The following DNAJC21 variants were observed in gnomAD, a reference collection of about 807,000 sequenced individuals.
DNAJC21 encodes the protein DnaJ heat shock protein family (Hsp40) member C21.
A neutral mutation model predicts 72.4 loss-of-function variants in DNAJC21; 63 were observed. That is an observed-to-expected ratio of 0.87 (90% CI 0.71 to 1.07). The LOEUF (loss-of-function observed/expected upper bound fraction) is 1.07. Among genes scored for constraint, DNAJC21 ranks in the 50% least tolerant of loss-of-function variants. DNAJC21 has a pLI of 0.00. For synonymous variants in DNAJC21, 203 were observed against 216.7 expected (o/e 0.94, Z 0.56); for missense variants, 634 against 644.8 (o/e 0.98, Z 0.18).
At chr5:34,951,903 C>A in intron 10 of DNAJC21, 1 of 985,480 alleles carries the variant, frequency 1.0e-6, no homozygotes, top group South Asian at 4.7e-5. Context: ...TATAGTTCAG[C>A]TCTCTAATTT....
chr5:34,951,415 T>C (rs368085980), intron 10 of DNAJC21: 10 of 985,344 alleles, frequency 1.0e-5, no homozygotes, highest in Admixed American at 1.2e-4. Context: ...ATCATCTGAC[T>C]CCATGGAGCC....
chr5:34,942,728 A>T (rs1249693641), intron 7 of DNAJC21, among the ~76,000 whole-genome samples: 1 of 152,186 alleles, frequency 6.6e-6, no homozygotes, highest in Admixed American at 6.5e-5. Context: ...AGTAACTTAC[A>T]TATATAGTGT....
At chr5:34,953,796 T>A (rs1183475991) in intron 10 of DNAJC21, 130 bp from the exon 11 acceptor site, 2 of 477,664 alleles carry the variant, frequency 4.2e-6, no homozygotes, top group East Asian at 3.5e-5. Flanking sequence ...TTATTTAAAT[T>A]GCCTTTAAAA....
rs1765486536 is a variant in DNAJC21, at chr5:34,954,728, G to A, written c.*14G>A. The A allele has an allele frequency of 6.4e-7, 1 of 1,554,634 alleles. No homozygotes were observed. Among genetic ancestry groups the A allele is most frequent in the East Asian group, 2.4e-5 (1 of 42,290 alleles). On this transcript the variant is annotated 3_prime_UTR_variant, in exon 12 of 12. Transcript: ENST00000648817. Reference sequence around the variant, plus strand: ...AAAAACAGATAGAGATTCTGCCTGTGCTTTTGTTTGACTGTCTCTAGATTT... The same window carrying A: ...AAAAACAGATAGAGATTCTGCCTGTACTTTTGTTTGACTGTCTCTAGATTT...
chr5:34,935,674 T>G lies in DNAJC21; in HGVS notation c.192-36T>G, dbSNP rs1580524838. The G allele has an allele frequency of 2.5e-6, 4 of 1,612,116 alleles. No homozygotes were observed. The East Asian group carries it at 8.9e-5, about 36-fold the overall frequency. On this transcript the variant is annotated intron_variant, in intron 2 of 11. Transcript: ENST00000648817. ...GAAATCCTTTTGAATTCTTACTTAT[T>G]CAGCCTTCACAATGATGCTAATTTT...
intron 6 of DNAJC21, 127 bp from the exon 7 acceptor site, chr5:34,940,969 A>G (rs1300174395): frequency 1.3e-6 from 1 of 770,834 alleles, no homozygotes; most frequent in African/African-American, 1.8e-5. Context: ...TAAAAAGCCA[A>G]CTCAAATCCT....
At chr5:34,935,960 C>T in intron 3 of DNAJC21, 127 bp downstream of exon 3, 2 of 1,412,276 alleles carry the variant, frequency 1.4e-6, no homozygotes, top group Admixed American at 2.2e-5. Context: ...ACTGAAGATG[C>T]ATTGCCTTCA....
intron 2 of DNAJC21, 101 bp from the exon 3 acceptor site, chr5:34,935,606 TCAA>T: frequency 6.7e-7 from 1 of 1,490,596 alleles, no homozygotes; most frequent in Non-Finnish European, 9.1e-7. Context: ...ATTGGACATA[TCAA>T]CAACCAAAAA....
chr5:34,954,523 C>T (rs769590036), intron 11 of DNAJC21, 30 bp from the exon 12 acceptor site: 45 of 1,575,168 alleles, frequency 2.9e-5, no homozygotes, highest in Non-Finnish European at 3.6e-5. Context: ...ATAACGCTTA[C>T]TTTTATTTAT....
intron 1 of DNAJC21, among the ~76,000 whole-genome samples, chr5:34,931,966 C>G (rs1438237150): frequency 6.6e-6 from 1 of 152,162 alleles, no homozygotes. Context: ...TAAATATCAT[C>G]ATAATTTATG....
At chr5:34,930,634 T>G (rs1764559649) in intron 1 of DNAJC21, among the ~76,000 whole-genome samples, 1 of 152,212 alleles carries the variant, frequency 6.6e-6, no homozygotes, top group Non-Finnish European at 1.5e-5. Flanking sequence ...TGAAGTAATC[T>G]GATCTTCCAG....
At chr5:34,941,670 G>A (rs552758082) in intron 7 of DNAJC21, among the ~76,000 whole-genome samples, 2 of 145,670 alleles carry the variant, frequency 1.4e-5, no homozygotes, top group African/African-American at 2.5e-5. Context: ...GGATTCAAGC[G>A]ATTCTCCTGC....
At chr5:34,951,161 ACT>A (rs1315953522) in intron 10 of DNAJC21, 1 of 985,256 alleles carries the variant, frequency 1.0e-6, no homozygotes, top group African/African-American at 1.7e-5. Context: ...CTACAGTATG[ACT>A]CTGGCTATAG....
Position 34,929,589 on chromosome 5 carries a change from C to G in DNAJC21, c.-231C>G, listed in dbSNP as rs1398918454. 6.5e-6 allele frequency: 1 copy of G among 153,348 alleles called. No homozygotes were observed. Among genetic ancestry groups the G allele is most frequent in the Non-Finnish European group, 1.5e-5 (1 of 68,934 alleles). The allele number at this position is 153,348 out of a possible 1,614,324, so 9.5% of individuals were successfully genotyped here. A position where few individuals can be genotyped will look rare whatever the true frequency, so the allele number is the denominator to read the frequency against. ...AAGCGGCGGCCGCCGGCACCGCCCC[C>G]GCCGCGCTCCCGCTTGCCGCAGCCT... On this transcript the variant is annotated 5_prime_UTR_variant, in exon 1 of 12. Coordinates refer to ENST00000648817, the MANE Select transcript of DNAJC21 (RefSeq NM_001012339.3).
chr5:34,941,332 G>GGGCT (rs915611261), intron 7 of DNAJC21, 149 bp downstream of exon 7: 13 of 688,262 alleles, frequency 1.9e-5, no homozygotes, highest in Admixed American at 8.2e-5. Flanking sequence ...CAAGTAGCTA[G>GGGCT]GGCTACAGGA....
rs912881731 is a variant in DNAJC21 at position 34,958,438 on chromosome 5, C to G, written c.*3724C>G. The G allele has an allele frequency of 6.6e-6, 1 of 152,088 alleles. No homozygotes were observed. Among genetic ancestry groups the G allele is most frequent in the Non-Finnish European group, 1.5e-5 (1 of 68,018 alleles). The allele number at this position is 152,088 out of a possible 1,614,324, so 9.4% of individuals were successfully genotyped here. A position where few individuals can be genotyped will look rare whatever the true frequency, so the allele number is the denominator to read the frequency against. The stretch of plus-strand genomic sequence containing the variant: ...CCCCAAAAACAAAGGGATTAAAGAC[C>G]TAAATATGAAGACAAAACTTTTAAA... On this transcript the variant is annotated 3_prime_UTR_variant, in exon 12 of 12. Coordinates refer to ENST00000648817, the MANE Select transcript of DNAJC21 (RefSeq NM_001012339.3).
intron 7 of DNAJC21, among the ~76,000 whole-genome samples, chr5:34,941,523 A>G (rs1030267143): frequency 6.0e-5 from 9 of 151,246 alleles, no homozygotes; most frequent in Admixed American, 2.6e-4. Context: ...GCATCCAGTT[A>G]AAAGGAGTAA....
intron 9 of DNAJC21, among the ~76,000 whole-genome samples, chr5:34,947,342 A>G (rs1343648598): frequency 6.6e-6 from 1 of 152,168 alleles, no homozygotes; most frequent in Non-Finnish European, 1.5e-5. Context: ...TGAATTTAGT[A>G]TGTTTTTTGG....
Position 34,929,656 on chromosome 5 carries a change from ACCGCCGCCG to A in DNAJC21, c.-148_-140del, listed in dbSNP as rs574306683. 533 of 155,434 alleles carry A rather than the reference ACCGCCGCCG, an allele frequency of 3.4e-3. 1 individual carries two copies. The highest frequency in any genetic ancestry group is 6.1e-3 in the Admixed American group (87 of 14,272). The allele number at this position is 155,434 out of a possible 1,614,324, so 9.6% of individuals were successfully genotyped here. A position where few individuals can be genotyped will look rare whatever the true frequency, so the allele number is the denominator to read the frequency against. On this transcript the variant is annotated 5_prime_UTR_variant, in exon 1 of 12. Coordinates refer to ENST00000648817, the MANE Select transcript of DNAJC21 (RefSeq NM_001012339.3). ...CCGCGCGCCTTCACTGACCTACACC[ACCGCCGCCG>A]CCGCCGCCGCCGCCGGGCTCGCTGG... is the stretch of plus-strand genomic sequence containing the variant.
Sources: gnomAD v4.1 joint callset for allele counts (sites outside exome capture counted in the v4.1 genomes callset) on GRCh38, gnomAD v4.1.1 for gene constraint, MANE v1.5 for transcripts, NCBI Gene and HGNC (gene_info 2026-07-23, HGNC 2026-07-21) for gene names.